KCNIP4: variants seen among roughly 807,000 people sequenced by gnomAD.
KCNIP4 encodes Kv channel-interacting protein 4.
A neutral mutation model predicts 34.0 loss-of-function variants in KCNIP4; 12 were observed. The ratio of observed to expected loss-of-function variants is 0.35; its 90% confidence interval spans 0.23 to 0.57. KCNIP4 has a LOEUF of 0.57. Among genes scored for constraint, KCNIP4 ranks in the 20% least tolerant of loss-of-function variants. The pLI, the probability that KCNIP4 is intolerant of heterozygous loss-of-function variation, is 0.83. For synonymous variants in KCNIP4, 124 were observed against 102.2 expected, an observed-to-expected ratio of 1.21 and a Z score of -1.29; for missense variants, 238 against 311.7, an observed-to-expected ratio of 0.76 and a Z score of 1.78.
At chr4:21,235,733 A>G (rs1759311229) in intron 1 of KCNIP4, among the ~76,000 whole-genome samples, 1 of 152,218 alleles carries the variant, frequency 6.6e-6, no homozygotes, top group Non-Finnish European at 1.5e-5. Context: ...TTGGCTTAAC[A>G]ATATCACAGT....
At chr4:20,738,231 C>T (rs1750175684) in intron 5 of KCNIP4, among the ~76,000 whole-genome samples, 1 of 152,000 alleles carries the variant, frequency 6.6e-6, no homozygotes, top group Non-Finnish European at 1.5e-5. Flanking sequence ...TTTTGAAAGG[C>T]TAGATGAGAT....
At chr4:21,462,603 C>T (rs1031124360) in intron 1 of KCNIP4, among the ~76,000 whole-genome samples, 4 of 152,104 alleles carry the variant, frequency 2.6e-5, no homozygotes, top group African/African-American at 4.8e-5. Context: ...CAATTCTCTA[C>T]ATCAGTGAGA....
intron 1 of KCNIP4, among the ~76,000 whole-genome samples, chr4:21,932,363 G>A (rs1729619478): frequency 6.6e-6 from 1 of 152,102 alleles, no homozygotes; most frequent in Non-Finnish European, 1.5e-5. Flanking sequence ...AACAGTAACT[G>A]GCCTGAAGCC....
chr4:21,479,038 A>G (rs1278798203), intron 1 of KCNIP4, among the ~76,000 whole-genome samples: 3 of 152,174 alleles, frequency 2.0e-5, no homozygotes, highest in African/African-American at 7.2e-5. Context: ...CACTTTTTTC[A>G]GGTTCAGTAG....
intron 3 of KCNIP4, among the ~76,000 whole-genome samples, chr4:20,779,902 C>T (rs985937858): frequency 1.3e-5 from 2 of 152,178 alleles, no homozygotes; most frequent in Non-Finnish European, 1.5e-5. Context: ...GCCCTGCTAA[C>T]ACCTTGATTT....
chr4:21,868,837 GA>G (rs374704526), intron 1 of KCNIP4, among the ~76,000 whole-genome samples: 154 of 152,168 alleles, frequency 1.0e-3, no homozygotes, highest in Middle Eastern at 3.4e-3. Context: ...ATGCCATAAA[GA>G]AAAAAACCCA....
chr4:21,740,751 C>T (rs1274404882), intron 1 of KCNIP4, among the ~76,000 whole-genome samples: 3 of 152,080 alleles, frequency 2.0e-5, no homozygotes, highest in African/African-American at 7.2e-5. Flanking sequence ...ATGAAAAAAT[C>T]TGATGGAGAA....
chr4:21,353,906 G>A lies in KCNIP4; in HGVS notation c.62-471197C>T, dbSNP rs182625525. On this transcript the variant is annotated intron_variant, in intron 1 of 8. Coordinates refer to ENST00000382152, the MANE Select transcript of KCNIP4 (RefSeq NM_025221.6). Reference sequence around the variant, plus strand: ...TTAAGGGCAGCCAGAAAGAAAGGTCGGGTTACCCACAAAGGGAAGCCCATT... The same window carrying A: ...TTAAGGGCAGCCAGAAAGAAAGGTCAGGTTACCCACAAAGGGAAGCCCATT... 1.7e-3 allele frequency among the ~76,000 whole-genome samples: 266 copies of A among 152,202 alleles called. 1 individual carries two copies. Among genetic ancestry groups the A allele is most frequent in the Non-Finnish European group, 3.0e-3 (201 of 68,010 alleles).
intron 1 of KCNIP4, among the ~76,000 whole-genome samples, chr4:21,208,917 A>G (rs1257549199): frequency 6.6e-6 from 1 of 152,120 alleles, no homozygotes; most frequent in African/African-American, 2.4e-5. Flanking sequence ...GGGAAATGCC[A>G]GACACTTATA....
intron 1 of KCNIP4, among the ~76,000 whole-genome samples, chr4:21,519,811 G>GTGTGTATACACACGTGTGTGTA (rs1560481493): frequency 1.2e-4 from 16 of 130,176 alleles, no homozygotes; most frequent in East Asian, 8.0e-4. Context: ...GTGTGTGTAT[G>GTGTGTATACACACGTGTGTGTA]TGTGTGTATA....
chr4:20,741,759 C>G (rs371622889), intron 5 of KCNIP4, among the ~76,000 whole-genome samples: 5 of 151,982 alleles, frequency 3.3e-5, no homozygotes, highest in Non-Finnish European at 5.9e-5. Flanking sequence ...AAAAACCCTT[C>G]AAAAAATCAA....
At chr4:20,808,234 C>T (rs887837335) in intron 3 of KCNIP4, among the ~76,000 whole-genome samples, 12 of 152,230 alleles carry the variant, frequency 7.9e-5, no homozygotes, top group Non-Finnish European at 1.6e-4. Flanking sequence ...TACAGAAGAG[C>T]GTGACAATGC....
intron 1 of KCNIP4, among the ~76,000 whole-genome samples, chr4:20,916,110 A>T (rs906337804): frequency 2.6e-5 from 4 of 152,210 alleles, no homozygotes; most frequent in Admixed American, 6.5e-5. Flanking sequence ...TCAATTTTCC[A>T]TGTTCCTCTA....
intron 1 of KCNIP4, among the ~76,000 whole-genome samples, chr4:21,123,037 C>T (rs1016677617): frequency 6.6e-6 from 1 of 150,822 alleles, no homozygotes; most frequent in African/African-American, 2.4e-5. Flanking sequence ...GGTGAAACCC[C>T]ATCTCTACCA....
chr4:21,200,067 G>A (rs902969695), intron 1 of KCNIP4, among the ~76,000 whole-genome samples: 2 of 151,956 alleles, frequency 1.3e-5, no homozygotes, highest in African/African-American at 4.8e-5. Context: ...GGGAGGGATA[G>A]CATTAGGAGA....
Position 21,642,818 on chromosome 4 carries a change from G to A in KCNIP4, c.61+305753C>T, listed in dbSNP as rs1746708484. On this transcript the variant is annotated intron_variant, in intron 1 of 8. Coordinates refer to ENST00000382152, the MANE Select transcript of KCNIP4 (RefSeq NM_025221.6). ...TGATACTGACTACCAAAGAGAAATT[G>A]ACCTGGTACTCTACAATGGAAATAA... Among the ~76,000 whole-genome samples, 3 of 152,070 alleles carry A rather than the reference G, an allele frequency of 2.0e-5. No homozygotes were observed. The South Asian group carries it at 6.2e-4, about 32-fold the overall frequency.
At chr4:21,016,083 G>A (rs1431203889) in intron 1 of KCNIP4, among the ~76,000 whole-genome samples, 2 of 148,752 alleles carry the variant, frequency 1.3e-5, no homozygotes, top group Non-Finnish European at 3.0e-5. Flanking sequence ...TTCACACCTC[G>A]GGCTCCAGCA....
At chr4:20,850,314 C>G in intron 3 of KCNIP4, 1 of 372,464 alleles carries the variant, frequency 2.7e-6, no homozygotes, top group Non-Finnish European at 4.9e-6. Flanking sequence ...TTGAATAAAA[C>G]TTTCTCAGAA....
chr4:21,639,990 C>G (rs1013141087), intron 1 of KCNIP4, among the ~76,000 whole-genome samples: 9 of 152,148 alleles, frequency 5.9e-5, no homozygotes, highest in African/African-American at 2.2e-4. Flanking sequence ...CTGATTATTT[C>G]CTTTTCCCTA....
Sources: gnomAD v4.1 joint callset for allele counts (sites outside exome capture counted in the v4.1 genomes callset) on GRCh38, gnomAD v4.1.1 for gene constraint, MANE v1.5 for transcripts, NCBI Gene and HGNC (gene_info 2026-07-23, HGNC 2026-07-21) for gene names.